The following DAAM1 variants were observed in gnomAD, a reference collection of about 807,000 sequenced individuals.
The protein encoded by DAAM1 is disheveled-associated activator of morphogenesis 1.
A neutral mutation model predicts 130.0 loss-of-function variants in DAAM1; 52 were observed. The ratio of observed to expected loss-of-function variants is 0.40; its 90% CI spans 0.32 to 0.50. The LOEUF (loss-of-function observed/expected upper bound fraction) is 0.50, where lower values mean the gene tolerates loss of function less well. Ranked by LOEUF, DAAM1 falls within the 20% of genes least tolerant of loss-of-function variation. The pLI is 0.61. For missense variants in DAAM1, 1,134 were observed against 1,303.8 expected (o/e 0.87, Z 2.01); for synonymous variants, 452 against 444.5 (o/e 1.02, Z -0.21).
intron 1 of DAAM1, among the ~76,000 whole-genome samples, chr14:59,202,557 C>T (rs1234352548): frequency 1.3e-5 from 2 of 152,320 alleles, no homozygotes; most frequent in East Asian, 3.9e-4. Context: ...GTATACATTT[C>T]AGAATGCTGT....
At chr14:59,247,575 T>C (rs1026240898) in intron 1 of DAAM1, among the ~76,000 whole-genome samples, 45 of 152,214 alleles carry the variant, frequency 3.0e-4, no homozygotes, top group African/African-American at 1.1e-3. Context: ...TAGTTTTCAG[T>C]GTACAAGCTT....
At chr14:59,256,644 T>A (rs1299938654) in intron 1 of DAAM1, among the ~76,000 whole-genome samples, 1 of 152,192 alleles carries the variant, frequency 6.6e-6, no homozygotes, top group Non-Finnish European at 1.5e-5. Context: ...GCTGTCATGG[T>A]GGAATTAGTC....
rs113837607 is a variant in DAAM1, at chr14:59,276,151, GT to G, written c.183+12493del. On this transcript the variant is annotated intron_variant, in intron 2 of 24. Coordinates refer to ENST00000360909, the MANE Select transcript of DAAM1 (RefSeq NM_001270520.2). ...AAATATTATTCTCAGAGTCATTGCA[GT>G]TAAATTTTAAGTGCTTCTTTGGCAA... Among the ~76,000 whole-genome samples, 46 of 152,298 alleles carry G rather than the reference GT, an allele frequency of 3.0e-4. 1 individual carries two copies. Among genetic ancestry groups the G allele is most frequent in the African/African-American group, 1.1e-3 (45 of 41,570 alleles).
At chr14:59,359,937 C>G (rs916395258) in intron 21 of DAAM1, among the ~76,000 whole-genome samples, 5 of 151,368 alleles carry the variant, frequency 3.3e-5, no homozygotes, top group African/African-American at 9.7e-5. Context: ...AGTTGCCAAA[C>G]TTTTACCACA....
chr14:59,352,243 G>A (rs1244946027), intron 17 of DAAM1, among the ~76,000 whole-genome samples: 1 of 152,062 alleles, frequency 6.6e-6, no homozygotes, highest in African/African-American at 2.4e-5. Context: ...TCCTTCTAGT[G>A]GTCTGTGAAA....
At chr14:59,330,351 G>A in intron 12 of DAAM1, 150 bp from the exon 13 acceptor site, 1 of 677,660 alleles carries the variant, frequency 1.5e-6, no homozygotes, top group Non-Finnish European at 2.4e-6. Context: ...TAGCCTTTGA[G>A]TTGCTCCCTT....
chr14:59,248,612 G>T (rs189855855), intron 1 of DAAM1, among the ~76,000 whole-genome samples: 1 of 152,282 alleles, frequency 6.6e-6, no homozygotes, highest in African/African-American at 2.4e-5. Context: ...TATGTGACCA[G>T]TTTACACACT....
At chr14:59,194,619 T>G (rs947501644) in intron 1 of DAAM1, among the ~76,000 whole-genome samples, 1 of 152,234 alleles carries the variant, frequency 6.6e-6, no homozygotes, top group Non-Finnish European at 1.5e-5. Context: ...CCCTGTAGTC[T>G]TTTAACATAC....
chr14:59,318,263 A>G (rs2139610770), intron 4 of DAAM1, among the ~76,000 whole-genome samples: 1 of 152,006 alleles, frequency 6.6e-6, no homozygotes. Flanking sequence ...CCCACCAAAG[A>G]AACGATTCAA....
chr14:59,194,030 C>T (rs2139380215), intron 1 of DAAM1, among the ~76,000 whole-genome samples: 1 of 151,896 alleles, frequency 6.6e-6, no homozygotes, highest in Middle Eastern at 3.4e-3. Context: ...GATGAGGAAA[C>T]TGAGGCACAG....
At chr14:59,267,554 T>C (rs1882499455) in intron 2 of DAAM1, among the ~76,000 whole-genome samples, 1 of 152,182 alleles carries the variant, frequency 6.6e-6, no homozygotes, top group African/African-American at 2.4e-5. Context: ...TTCACCTATG[T>C]AAAGTGTGCA....
intron 1 of DAAM1, among the ~76,000 whole-genome samples, chr14:59,213,855 T>G (rs1033265457): frequency 1.1e-4 from 17 of 152,194 alleles, no homozygotes; most frequent in Admixed American, 6.5e-5. Context: ...GTTTGTGACA[T>G]ACTTTGCCTT....
rs10047966 is a variant in DAAM1, at chr14:59,287,877, T to C, written c.184-3340T>C. Among the ~76,000 whole-genome samples the C allele has an allele frequency of 2.4e-3, 365 of 152,294 alleles. 1 individual carries two copies. The highest frequency in any genetic ancestry group is 8.3e-3 in the African/African-American group (345 of 41,566). ...CAATTTACAGAGTCAATGCTATTCC[T>C]GTCAAACTGCCAATGTCATTTTTCA... On this transcript the variant is annotated intron_variant, in intron 2 of 24. Coordinates refer to ENST00000360909, the MANE Select transcript of DAAM1 (RefSeq NM_001270520.2).
Position 59,263,545 on chromosome 14 carries a change from A to G in DAAM1, c.68A>G (p.His23Arg). The change falls in exon 2 of 25, where the codon CAC (histidine) becomes CGC (arginine). Residue 23 changes from histidine (H) to arginine (R), a missense_variant. Physicochemically the swap from His to Arg is conservative, Grantham distance 29. Around this residue, in one of 3 missense-constraint regions of DAAM1, gnomAD observed 99 missense variants for 86.4 expected, o/e 1.15. Transcript: ENST00000360909. ...TTTTGCTGTTTCCGAAATAATGATCACCCAGAAATCACGTATCGGCTGCGA... is the reference window on the plus strand; with the variant it reads ...TTTTGCTGTTTCCGAAATAATGATCGCCCAGAAATCACGTATCGGCTGCGA... The part of the protein sequence containing the change: ...FIFCCFRNND[H>R]PEITYRLRND... 1 of 1,614,176 alleles carries G rather than the reference A, an allele frequency of 6.2e-7. No individual in the cohort carries two copies.
At chr14:59,190,407 C>T (rs1887697637) in intron 1 of DAAM1, among the ~76,000 whole-genome samples, 1 of 152,200 alleles carries the variant, frequency 6.6e-6, no homozygotes, top group Non-Finnish European at 1.5e-5. Flanking sequence ...TTGGAGGCAG[C>T]TTTGTCATGA....
intron 2 of DAAM1, among the ~76,000 whole-genome samples, chr14:59,277,270 G>A (rs1319655431): frequency 6.6e-6 from 1 of 151,768 alleles, no homozygotes; most frequent in Non-Finnish European, 1.5e-5. Context: ...CATTTCCTTC[G>A]ATTGATTTGT....
intron 3 of DAAM1, 148 bp downstream of exon 3, chr14:59,291,454 C>T: frequency 1.7e-6 from 1 of 600,632 alleles, no homozygotes; most frequent in Non-Finnish European, 2.8e-6. Flanking sequence ...TACATGTAGC[C>T]AGTGTCAATT....
At position 59,233,924 on chromosome 14, in the gene DAAM1, G is replaced by A. The variant is rs183206712; in HGVS notation, c.-37-29517G>A. 3.0e-3 allele frequency among the ~76,000 whole-genome samples: 450 copies of A among 152,184 alleles called. 2 individuals are homozygous for A. The highest frequency in any genetic ancestry group is 5.0e-3 in the Non-Finnish European group (343 of 67,986). ...ATTGCTTGTTTTTGTCCAGTTTGTC[G>A]AAGATCAGATGGTTGTAGATGTGTG... On this transcript the variant is annotated intron_variant, in intron 1 of 24. Transcript: ENST00000360909.
chr14:59,197,769 T>C (rs756617295), intron 1 of DAAM1, among the ~76,000 whole-genome samples: 23 of 152,216 alleles, frequency 1.5e-4, no homozygotes, highest in Non-Finnish European at 3.1e-4. Context: ...CTCCCTGCAT[T>C]GCAGTTTGAC....
Sources: allele counts gnomAD v4.1 joint callset (sites outside exome capture counted in the v4.1 genomes callset), GRCh38; gene constraint gnomAD v4.1.1; regional missense constraint gnomAD v4.1.1; transcripts MANE v1.5; gene names NCBI Gene and HGNC (gene_info 2026-07-23, HGNC 2026-07-21).